Variants in MIR2052HG observed in about 807,000 individuals in gnomAD.
MIR2052HG encodes the protein MIR2052 host gene.
At chr8:74,666,957 C>T (rs758517678) in intron 2 of MIR2052HG, among the ~76,000 whole-genome samples, 51 of 152,192 alleles carry the variant, frequency 3.4e-4, no homozygotes, top group Non-Finnish European at 6.6e-4. Context: ...GCTGAGACAG[C>T]TGGGCATCTC....
At chr8:74,754,939 C>T (rs1809984266) in intron 5 of MIR2052HG, among the ~76,000 whole-genome samples, 1 of 152,220 alleles carries the variant, frequency 6.6e-6, no homozygotes, top group African/African-American at 2.4e-5. Flanking sequence ...TTAGGGTTGG[C>T]TGTTCTTTAT....
chr8:74,680,863 C>G (rs922782929), intron 2 of MIR2052HG, among the ~76,000 whole-genome samples: 35 of 151,454 alleles, frequency 2.3e-4, no homozygotes, highest in Non-Finnish European at 4.4e-5. Context: ...CACATATACA[C>G]CATGGAATAC....
chr8:74,656,707 T>C (rs150324232), intron 2 of MIR2052HG, among the ~76,000 whole-genome samples: 111 of 152,282 alleles, frequency 7.3e-4, no homozygotes, highest in Non-Finnish European at 1.4e-3. Flanking sequence ...AGATTGTCTT[T>C]GAACCTGCTC....
chr8:74,715,417 C>A (rs186465979), intron 4 of MIR2052HG, among the ~76,000 whole-genome samples: 2 of 152,138 alleles, frequency 1.3e-5, no homozygotes, highest in Non-Finnish European at 2.9e-5. Flanking sequence ...TTGTCCATGG[C>A]GATTCACAAT....
At chr8:74,639,471 A>G (rs1171983440) in intron 2 of MIR2052HG, among the ~76,000 whole-genome samples, 1 of 152,192 alleles carries the variant, frequency 6.6e-6, no homozygotes, top group Non-Finnish European at 1.5e-5. Flanking sequence ...GAATGGGAAG[A>G]TAATAGCTCA....
intron 2 of MIR2052HG, among the ~76,000 whole-genome samples, chr8:74,691,257 G>C (rs1440830875): frequency 6.6e-6 from 1 of 152,160 alleles, no homozygotes; most frequent in Non-Finnish European, 1.5e-5. Flanking sequence ...TTTGCATCTT[G>C]GATGGAGTTC....
intron 4 of MIR2052HG, among the ~76,000 whole-genome samples, chr8:74,727,149 GAC>G (rs146438820): frequency 6.6e-6 from 1 of 151,970 alleles, no homozygotes. Context: ...CCAAATCTTG[GAC>G]ACACACACAC....
At chr8:74,703,683 G>T in intron 4 of MIR2052HG, 1 of 451,336 alleles carries the variant, frequency 2.2e-6, no homozygotes, top group Non-Finnish European at 4.4e-6. Context: ...TTCATCAGGG[G>T]TGAGTAGAAT....
intron 2 of MIR2052HG, among the ~76,000 whole-genome samples, chr8:74,696,500 C>CA (rs938688710): frequency 6.6e-6 from 1 of 150,996 alleles, no homozygotes; most frequent in Admixed American, 6.6e-5. Flanking sequence ...GAAATTGAAA[C>CA]AAAAAAACAC....
At chr8:74,748,866 T>C (rs1809914253) in intron 4 of MIR2052HG, among the ~76,000 whole-genome samples, 2 of 152,214 alleles carry the variant, frequency 1.3e-5, no homozygotes, top group African/African-American at 4.8e-5. Context: ...GATATTGATG[T>C]TTCTCTGTGG....
At chr8:74,656,270 T>A (rs1322022996) in intron 2 of MIR2052HG, among the ~76,000 whole-genome samples, 1 of 151,962 alleles carries the variant, frequency 6.6e-6, no homozygotes, top group Non-Finnish European at 1.5e-5. Flanking sequence ...GAAGGCATGA[T>A]TGGTTTTGAA....
chr8:74,661,708 G>A (rs1046912247), intron 2 of MIR2052HG, among the ~76,000 whole-genome samples: 1 of 152,088 alleles, frequency 6.6e-6, no homozygotes, highest in Non-Finnish European at 1.5e-5. Context: ...CCATGCAATG[G>A]CATTCATCTG....
At chr8:74,748,648 C>A (rs1435196984) in intron 4 of MIR2052HG, among the ~76,000 whole-genome samples, 3 of 152,196 alleles carry the variant, frequency 2.0e-5, no homozygotes, top group Non-Finnish European at 4.4e-5. Flanking sequence ...CAAGTGACAA[C>A]ATACCTTCTT....
At chr8:74,607,472 C>T (rs190846161) in intron 1 of MIR2052HG, among the ~76,000 whole-genome samples, 4 of 152,012 alleles carry the variant, frequency 2.6e-5, no homozygotes, top group Non-Finnish European at 4.4e-5. Context: ...ATTAGCCGGG[C>T]GTGGTGGTGG....
chr8:74,752,480 A>T (rs1809958092), exon 5 of MIR2052HG: 1 of 456,028 alleles, frequency 2.2e-6, no homozygotes, highest in Admixed American at 2.4e-5. Flanking sequence ...CACATTCTCC[A>T]AACTCATTAA....
chr8:74,739,412 A>G (rs747826025), intron 4 of MIR2052HG, among the ~76,000 whole-genome samples: 2 of 152,162 alleles, frequency 1.3e-5, no homozygotes, highest in African/African-American at 2.4e-5. Context: ...GATGCACTCT[A>G]TTGACAGCTT....
At chr8:74,624,108 T>C (rs1414596472) in intron 2 of MIR2052HG, among the ~76,000 whole-genome samples, 1 of 152,230 alleles carries the variant, frequency 6.6e-6, no homozygotes, top group African/African-American at 2.4e-5. Flanking sequence ...ATATATGTTT[T>C]AGTTTCAGCA....
intron 2 of MIR2052HG, among the ~76,000 whole-genome samples, chr8:74,644,650 G>C (rs142475768): frequency 1.7e-4 from 26 of 152,224 alleles, no homozygotes; most frequent in African/African-American, 4.1e-4. Flanking sequence ...TAGCACTTTG[G>C]GGGGCTGAGG....
intron 2 of MIR2052HG, among the ~76,000 whole-genome samples, chr8:74,614,429 T>C (rs1808247019): frequency 6.6e-6 from 1 of 152,196 alleles, no homozygotes; most frequent in Non-Finnish European, 1.5e-5. Context: ...TTATAATTGA[T>C]CTATTTGATC....
Sources: gnomAD v4.1 joint callset for allele counts (sites outside exome capture counted in the v4.1 genomes callset) on GRCh38, gnomAD v4.1.1 for gene constraint, MANE v1.5 for transcripts, NCBI Gene and HGNC (gene_info 2026-07-23, HGNC 2026-07-21) for gene names.